The following TRDN variants were observed in gnomAD, a reference collection of about 807,000 sequenced individuals.
TRDN encodes triadin, also known as triadin in skeletal muscle.
In TRDN, 161 loss-of-function variants were observed where a neutral mutation model predicts 149.7. That is an observed-to-expected ratio of 1.08 (90% CI 0.95 to 1.23). TRDN has a LOEUF of 1.23. Among genes scored for constraint, TRDN ranks in the 50% most tolerant of loss-of-function variants. The pLI is 0.00. For missense variants in TRDN, 896 were observed against 823.5 expected (o/e 1.09, Z -1.08); for synonymous variants, 294 against 250.5 (o/e 1.17, Z -1.64).
chr6:123,438,934 A>C lies in TRDN; in HGVS notation c.991+10T>G, dbSNP rs1451400888. ...TGATTTATGTGGTACATGGCTTTTA[A>C]ATTTCCTACCTTTCTTTTTTGTTTC... On this transcript the variant is annotated intron_variant, in intron 11 of 40. Transcript: ENST00000334268. 3.2e-6 allele frequency: 5 copies of C among 1,553,594 alleles called. No homozygotes were observed. Among genetic ancestry groups the C allele is most frequent in the Non-Finnish European group, 4.4e-6 (5 of 1,147,670 alleles).
chr6:123,463,705 A>G (rs2114704229), intron 10 of TRDN, among the ~76,000 whole-genome samples: 1 of 151,746 alleles, frequency 6.6e-6, no homozygotes, highest in South Asian at 2.1e-4. Flanking sequence ...AATTCTCTTA[A>G]GTCATGTGAA....
At chr6:123,249,344 G>A (rs1303866321) in intron 38 of TRDN, among the ~76,000 whole-genome samples, 1 of 152,000 alleles carries the variant, frequency 6.6e-6, no homozygotes, top group African/African-American at 2.4e-5. Context: ...AATGTAAATT[G>A]GTTCAATTCC....
At chr6:123,293,948 G>A (rs544014121) in intron 24 of TRDN, among the ~76,000 whole-genome samples, 1 of 152,202 alleles carries the variant, frequency 6.6e-6, no homozygotes, top group East Asian at 1.9e-4. Context: ...GCAGTGATGG[G>A]ACTAGCAGCA....
chr6:123,287,144 T>C (rs1777831414), intron 24 of TRDN, among the ~76,000 whole-genome samples: 1 of 152,162 alleles, frequency 6.6e-6, no homozygotes, highest in African/African-American at 2.4e-5. Flanking sequence ...TATAAACATC[T>C]TTTAATTCTT....
chr6:123,272,928 G>C (rs1422280172), intron 29 of TRDN, 36 bp downstream of exon 29: 1 of 1,413,234 alleles, frequency 7.1e-7, no homozygotes, highest in Non-Finnish European at 9.6e-7. Context: ...AACATTGAGA[G>C]GTTATTTGAG....
chr6:123,354,677 G>T (rs148555882), intron 20 of TRDN, among the ~76,000 whole-genome samples: 3 of 151,670 alleles, frequency 2.0e-5, no homozygotes, highest in African/African-American at 7.3e-5. Flanking sequence ...TATACAAGAG[G>T]TTAACAGACA....
intron 23 of TRDN, among the ~76,000 whole-genome samples, chr6:123,321,017 T>C (rs1392602089): frequency 6.6e-6 from 1 of 152,126 alleles, no homozygotes; most frequent in Non-Finnish European, 1.5e-5. Flanking sequence ...AACCTACTCC[T>C]GTAAAATATA....
At chr6:123,458,687 A>G (rs1583067152) in intron 10 of TRDN, among the ~76,000 whole-genome samples, 1 of 152,292 alleles carries the variant, frequency 6.6e-6, no homozygotes, top group East Asian at 1.9e-4. Flanking sequence ...GACTAAATCA[A>G]TGTGTTCTAC....
intron 21 of TRDN, among the ~76,000 whole-genome samples, chr6:123,345,223 G>T (rs1217024432): frequency 6.6e-6 from 1 of 151,956 alleles, no homozygotes; most frequent in Non-Finnish European, 1.5e-5. Flanking sequence ...TCTTGTGGAG[G>T]ACGTAAAGAC....
At chr6:123,337,760 A>G (rs1046231499) in intron 21 of TRDN, 91 bp from the exon 22 acceptor site, 2 of 676,612 alleles carry the variant, frequency 3.0e-6, no homozygotes, top group African/African-American at 3.8e-5. Flanking sequence ...ACTGAGGCTT[A>G]AGATCACAGG....
At chr6:123,381,540 C>T (rs1415343188) in intron 15 of TRDN, 150 bp from the exon 16 acceptor site, 12 of 694,486 alleles carry the variant, frequency 1.7e-5, no homozygotes, top group South Asian at 5.7e-5. Flanking sequence ...CACAGTGAGG[C>T]TCTGAGGTAT....
At chr6:123,226,002 A>T (rs563953847) in intron 38 of TRDN, among the ~76,000 whole-genome samples, 1 of 151,964 alleles carries the variant, frequency 6.6e-6, no homozygotes, top group South Asian at 2.1e-4. Flanking sequence ...CAGTATGCAA[A>T]TTTCGTCTAA....
chr6:123,255,081 CT>C lies in TRDN; in HGVS notation c.1950del (p.Ala651GlnfsTer93). ...KESLQLHNVT[K>X]AEKPARVSKD... ...TAGTAGTTACGTAATTCAAGATTAC[CT>C]TTTGTCACATTGTGTAATTGAAGAC... On this transcript the variant is annotated frameshift_variant and splice_region_variant, in exon 37 of 41. Transcript: ENST00000334268. LOFTEE classifies it high-confidence loss of function. The C allele has an allele frequency of 2.9e-6, 4 of 1,377,212 alleles. No individual in the cohort carries two copies. Among genetic ancestry groups the C allele is most frequent in the Admixed American group, 2.1e-5 (1 of 47,578 alleles). The allele number at this position is 1,377,212 out of a possible 1,614,324, so 85.3% of individuals were successfully genotyped here.
intron 12 of TRDN, among the ~76,000 whole-genome samples, chr6:123,398,709 A>G (rs987648293): frequency 6.6e-6 from 1 of 152,210 alleles, no homozygotes; most frequent in Non-Finnish European, 1.5e-5. Flanking sequence ...TCATTTCAGT[A>G]TGATAATTAC....
At position 123,224,118 on chromosome 6, in the gene TRDN, A is replaced by T. The variant is rs374635516; in HGVS notation, c.1989T>A (p.Asp663Glu). The change falls in exon 39 of 41, where the codon GAT (aspartate) becomes GAA (glutamate). Residue 663 changes from aspartate (D) to glutamate (E), a missense_variant. Asp to Glu is a conservative substitution (Grantham distance 45, BLOSUM62 2). Coordinates refer to ENST00000334268, the MANE Select transcript of TRDN (RefSeq NM_006073.4). ...CTTTAGCTTTCTTTGAAGCTGGTAC[A>T]TCTTCAACATCTTCTAGAGTACAGA... ...KPARVSKDVE[D>E]VPASKKAKEG... 1 of 1,610,718 alleles carries T rather than the reference A, an allele frequency of 6.2e-7. No individual in the cohort carries two copies. The highest frequency in any genetic ancestry group is 2.2e-5 in the East Asian group (1 of 44,784).
At chr6:123,546,758 T>G (rs1781132142) in intron 4 of TRDN, among the ~76,000 whole-genome samples, 1 of 151,978 alleles carries the variant, frequency 6.6e-6, no homozygotes, top group Non-Finnish European at 1.5e-5. Context: ...ACCACTTCAC[T>G]CAGTCACCTT....
At chr6:123,321,104 G>T (rs1779227199) in intron 23 of TRDN, among the ~76,000 whole-genome samples, 1 of 152,094 alleles carries the variant, frequency 6.6e-6, no homozygotes, top group South Asian at 2.1e-4. Flanking sequence ...AAACGTGGTG[G>T]CTGAGGACAT....
intron 23 of TRDN, among the ~76,000 whole-genome samples, chr6:123,319,935 C>A (rs1582867090): frequency 6.6e-6 from 1 of 152,080 alleles, no homozygotes; most frequent in East Asian, 1.9e-4. Flanking sequence ...AATAAGCAGA[C>A]CAAAACTTCA....
intron 9 of TRDN, among the ~76,000 whole-genome samples, chr6:123,483,017 C>G (rs929548402): frequency 1.3e-5 from 2 of 151,082 alleles, no homozygotes; most frequent in Non-Finnish European, 2.9e-5. Context: ...CAGATCACAT[C>G]TATATGGTGC....
Sources: allele counts gnomAD v4.1 joint callset (sites outside exome capture counted in the v4.1 genomes callset), GRCh38; gene constraint gnomAD v4.1.1; transcripts MANE v1.5; gene names NCBI Gene and HGNC (gene_info 2026-07-23, HGNC 2026-07-21).